ZXDC: variants seen among roughly 807,000 people sequenced by gnomAD.
The protein encoded by ZXDC is ZXD family zinc finger C, also known as zinc finger protein ZXDC.
Under a neutral mutation model 63.6 loss-of-function variants are expected in ZXDC, and 58 were observed. The observed-to-expected ratio is 0.91, with a 90% CI of 0.74 to 1.13. The LOEUF (loss-of-function observed/expected upper bound fraction) is 1.13. ZXDC is among the 50% of genes most tolerant of loss of function. The pLI, the probability that ZXDC is intolerant of heterozygous loss-of-function variation, is 0.00. For synonymous variants in ZXDC, 561 were observed against 496.1 expected, an observed-to-expected ratio of 1.13 and a Z score of -1.74; for missense variants, 1,133 against 1,148.9, an observed-to-expected ratio of 0.99 and a Z score of 0.20.
chr3:126,459,403 C>A, intron 7 of ZXDC: 1 of 985,462 alleles, frequency 1.0e-6, no homozygotes. Flanking sequence ...GTAACTGACA[C>A]TGGTGTTTGA....
At chr3:126,446,270 T>C (rs1168029450) in intron 7 of ZXDC, among the ~76,000 whole-genome samples, 2 of 152,200 alleles carry the variant, frequency 1.3e-5, no homozygotes, top group Non-Finnish European at 2.9e-5. Context: ...GAAGGACTCC[T>C]TAAGGAAGAG....
chr3:126,466,392 T>C, intron 4 of ZXDC, 67 bp from the exon 5 acceptor site: 1 of 1,592,938 alleles, frequency 6.3e-7, no homozygotes, highest in Non-Finnish European at 8.6e-7. Context: ...AAGTGACACT[T>C]CCCCATCAGA....
At chr3:126,455,495 A>C (rs543290978) in intron 7 of ZXDC, among the ~76,000 whole-genome samples, 101 of 152,206 alleles carry the variant, frequency 6.6e-4, no homozygotes, top group Non-Finnish European at 1.2e-3. Flanking sequence ...CTGGAGGAGG[A>C]GTCGATTCCA....
At chr3:126,454,965 CTG>C in intron 7 of ZXDC, 1 of 985,468 alleles carries the variant, frequency 1.0e-6, no homozygotes, top group Non-Finnish European at 1.2e-6. Context: ...ATTGCTCAGA[CTG>C]TACATTTCCT....
intron 8 of ZXDC, chr3:126,440,284 C>CGG: frequency 1.0e-6 from 1 of 989,090 alleles, no homozygotes; most frequent in Non-Finnish European, 1.2e-6. Context: ...CGCCCATGGC[C>CGG]ATTCACACCC....
At chr3:126,441,004 T>C in intron 8 of ZXDC, 1 of 985,524 alleles carries the variant, frequency 1.0e-6, no homozygotes, top group African/African-American at 1.7e-5. Context: ...ATCTACAAAG[T>C]GGAGTGGTGA....
At chr3:126,471,100 T>C (rs545837127) in intron 3 of ZXDC, 75 bp from the exon 4 acceptor site, 12 of 1,537,216 alleles carry the variant, frequency 7.8e-6, no homozygotes, top group East Asian at 2.3e-5. Context: ...CTACAAAACA[T>C]ACCAAAACAC....
chr3:126,461,533 A>T lies in ZXDC; in HGVS notation c.2127+2T>A. 1 of 1,605,322 alleles carries T rather than the reference A, an allele frequency of 6.2e-7. No homozygotes were observed. Among genetic ancestry groups the T allele is most frequent in the Non-Finnish European group, 8.5e-7 (1 of 1,173,910 alleles). ...GTGGTGACTGAATAGAGTGCTTCAT[A>T]CCAAATAGAAGTTGCCAGTGCCTGC... is the stretch of plus-strand genomic sequence containing the variant. On this transcript the variant is annotated splice_donor_variant, in intron 6 of 9. Transcript: ENST00000389709. LOFTEE classifies it high-confidence loss of function.
intron 5 of ZXDC, among the ~76,000 whole-genome samples, chr3:126,463,938 A>G (rs1934654663): frequency 6.6e-6 from 1 of 152,268 alleles, no homozygotes; most frequent in Admixed American, 6.5e-5. Context: ...AAAAGTATCA[A>G]TATAGTATCA....
rs1419328164 is a variant in ZXDC, at chr3:126,474,990, C to T, written c.876G>A (p.Glu292=). 4 of 1,592,630 alleles carry T rather than the reference C, an allele frequency of 2.5e-6. No individual in the cohort carries two copies. Among genetic ancestry groups the T allele is most frequent in the African/African-American group, 2.7e-5 (2 of 74,602 alleles). The change falls in exon 1 of 10, where the codon GAG becomes GAA. Residue 292 remains glutamate, a synonymous_variant. Transcript: ENST00000389709. The part of the protein sequence containing the change: ...KLSSHQRSHF[E]PERPYKCDFP... Reference sequence around the variant, plus strand: ...AGTCACACTTGTAAGGGCGCTCGGGCTCGAAGTGGCTGCGCTGGTGGGAGC... The same window carrying T: ...AGTCACACTTGTAAGGGCGCTCGGGTTCGAAGTGGCTGCGCTGGTGGGAGC...
Position 126,475,385 on chromosome 3 carries a change from G to C in ZXDC, c.481C>G (p.Pro161Ala). Reference protein sequence around the residue: ...PGPATAGAAAPRRAPQASGPS... With the variant: ...PGPATAGAAAARRAPQASGPS... ...CCGGAGGCCTGGGGCGCGCGGCGGG[G>C]AGCGGCGGCGCCCGCGGTTGCGGGG... The change falls in exon 1 of 10, where the codon CCC becomes GCC. Residue 161 changes from proline (P) to alanine (A), a missense_variant. Coordinates refer to ENST00000389709, the MANE Select transcript of ZXDC (RefSeq NM_025112.5). 8.1e-7 allele frequency: 1 copy of C among 1,229,312 alleles called. No homozygotes were observed. The highest frequency in any genetic ancestry group is 1.0e-6 in the Non-Finnish European group (1 of 982,094). The allele number at this position is 1,229,312 out of a possible 1,614,324, so 76.2% of individuals were successfully genotyped here. A position where few individuals can be genotyped will look rare whatever the true frequency, so the allele number is the denominator to read the frequency against.
chr3:126,458,778 T>G, intron 7 of ZXDC: 1 of 985,426 alleles, frequency 1.0e-6, no homozygotes, highest in Non-Finnish European at 1.2e-6. Context: ...ACCACCACAC[T>G]TCCTTCTATT....
At chr3:126,450,727 G>A (rs1242416380) in intron 7 of ZXDC, 2 of 351,914 alleles carry the variant, frequency 5.7e-6, no homozygotes, top group East Asian at 1.5e-4. Flanking sequence ...GGTGTGCAAA[G>A]ATTTTTGTTT....
chr3:126,459,519 G>A (rs750834565), intron 7 of ZXDC, 134 bp downstream of exon 7: 9 of 1,500,352 alleles, frequency 6.0e-6, no homozygotes, highest in Middle Eastern at 2.5e-4. Context: ...AAACTAAGGA[G>A]TTGATAAAAG....
At chr3:126,438,796 G>T (rs920962340) in intron 9 of ZXDC, among the ~76,000 whole-genome samples, 7 of 152,208 alleles carry the variant, frequency 4.6e-5, no homozygotes, top group African/African-American at 1.4e-4. Context: ...CCAGGTATTA[G>T]GTGTCCGTCC....
intron 6 of ZXDC, chr3:126,460,915 T>C (rs1273769940): frequency 2.0e-6 from 2 of 985,264 alleles, no homozygotes; most frequent in Non-Finnish European, 2.4e-6. Flanking sequence ...TATCTGATCA[T>C]TCCCATCTAG....
chr3:126,461,339 G>A, intron 6 of ZXDC, 196 bp downstream of exon 6: 2 of 1,372,550 alleles, frequency 1.5e-6, no homozygotes, highest in Non-Finnish European at 1.9e-6. Context: ...GGAAATAAAT[G>A]AGAATTTAAG....
Position 126,466,260 on chromosome 3 carries a change from C to T in ZXDC, c.1336G>A (p.Val446Met). The part of the protein sequence containing the change: ...YIHSKKHVQD[V>M]GAPKSRCPVS... ...GGGCAACGGCTTTTCGGAGCACCCA[C>T]ATCCTGCACGTGTTTCTTAGAGTGA... Residue 446 changes from valine to methionine, a missense_variant, in exon 5 of 10, where the codon GTG becomes ATG. Physicochemically the swap from Val to Met is conservative, Grantham distance 21. Transcript: ENST00000389709. 1 of 1,614,216 alleles carries T rather than the reference C, an allele frequency of 6.2e-7. No homozygotes were observed. The highest frequency in any genetic ancestry group is 1.1e-5 in the South Asian group (1 of 91,086).
intron 5 of ZXDC, among the ~76,000 whole-genome samples, chr3:126,464,573 T>C (rs574973777): frequency 1.3e-4 from 20 of 152,056 alleles, no homozygotes; most frequent in East Asian, 3.9e-4. Context: ...CTGGGATACA[T>C]AGGTTGCTAC....
Sources: gnomAD v4.1 joint callset for allele counts (sites outside exome capture counted in the v4.1 genomes callset) on GRCh38, gnomAD v4.1.1 for gene constraint, MANE v1.5 for transcripts, NCBI Gene and HGNC (gene_info 2026-07-23, HGNC 2026-07-21) for gene names.